Variants in EIF2B3 observed in about 807,000 individuals in gnomAD.
EIF2B3 encodes eukaryotic translation initiation factor 2B subunit gamma.
A neutral mutation model predicts 54.1 loss-of-function variants in EIF2B3; 20 were observed. That is an observed-to-expected ratio of 0.37 (90% CI 0.26 to 0.54). The LOEUF is 0.54. EIF2B3 is among the 20% of genes least tolerant of loss of function. The pLI is 0.86. For synonymous variants in EIF2B3, 153 were observed against 188.1 expected (o/e 0.81, Z 1.52); for missense variants, 448 against 547.8 (o/e 0.82, Z 1.82).
chr1:44,943,058 C>T (rs1014570646), intron 3 of EIF2B3, among the ~76,000 whole-genome samples: 1 of 151,804 alleles, frequency 6.6e-6, no homozygotes, highest in African/African-American at 2.4e-5. Flanking sequence ...GGTGTTTCAC[C>T]GTGTTAGCCA....
chr1:44,893,157 G>A (rs2148912418), intron 6 of EIF2B3, among the ~76,000 whole-genome samples: 1 of 152,262 alleles, frequency 6.6e-6, no homozygotes, highest in African/African-American at 2.4e-5. Context: ...TCAACCTCAT[G>A]GGCTCAAGTG....
intron 6 of EIF2B3, among the ~76,000 whole-genome samples, chr1:44,896,567 A>G (rs1488291823): frequency 6.6e-6 from 1 of 152,248 alleles, no homozygotes; most frequent in East Asian, 1.9e-4. Flanking sequence ...GTTCACCTAG[A>G]TAAGTTTCCG....
At chr1:44,982,931 C>T (rs1476189531) in intron 1 of EIF2B3, among the ~76,000 whole-genome samples, 2 of 152,030 alleles carry the variant, frequency 1.3e-5, no homozygotes, top group African/African-American at 2.4e-5. Flanking sequence ...CCCAGCTGCC[C>T]AGCTAATTTT....
intron 3 of EIF2B3, among the ~76,000 whole-genome samples, chr1:44,966,653 C>T (rs962738400): frequency 3.3e-5 from 5 of 152,096 alleles, no homozygotes; most frequent in African/African-American, 1.2e-4. Context: ...CTCTTCTCTT[C>T]TGAAAATGTA....
chr1:44,879,332 T>G (rs945008387), intron 8 of EIF2B3, among the ~76,000 whole-genome samples: 2 of 152,202 alleles, frequency 1.3e-5, no homozygotes, highest in African/African-American at 4.8e-5. Context: ...AAGAGACTCC[T>G]CATTAATGCT....
Position 44,978,463 on chromosome 1 carries a change from A to G in EIF2B3, c.149-3T>C, listed in dbSNP as rs374502902. On this transcript the variant is annotated splice_polypyrimidine_tract_variant and splice_region_variant and intron_variant, in intron 2 of 11. Coordinates refer to ENST00000360403, the MANE Select transcript of EIF2B3 (RefSeq NM_020365.5). ...CCTGGTTGTAACCACAATGACTTCTATAGGACAAAAGAAAAAAAGAAAGAA... is the reference window on the plus strand; with the variant it reads ...CCTGGTTGTAACCACAATGACTTCTGTAGGACAAAAGAAAAAAAGAAAGAA... 1.9e-6 allele frequency: 3 copies of G among 1,612,498 alleles called. No homozygotes were observed. The highest frequency in any genetic ancestry group is 2.2e-5 in the East Asian group (1 of 44,854).
rs1249351596 is a variant in EIF2B3, at chr1:44,881,183, A to G, written c.784+429T>C. Among the ~76,000 whole-genome samples, 1 of 152,194 alleles carries G rather than the reference A, an allele frequency of 6.6e-6. No homozygotes were observed. The highest frequency in any genetic ancestry group is 1.5e-5 in the Non-Finnish European group (1 of 68,032). Reference sequence around the variant, plus strand: ...ACAGATCCGATCTTCAGATCCTGGCACGGAGACACCTGGGTTGGCCTGTGG... The same window carrying G: ...ACAGATCCGATCTTCAGATCCTGGCGCGGAGACACCTGGGTTGGCCTGTGG... On this transcript the variant is annotated intron_variant, in intron 7 of 11. Transcript: ENST00000360403. This position sits in a 1 kb window ranked among gnomAD's most constrained non-coding sequence, Gnocchi z 4.0.
Position 44,880,023 on chromosome 1 carries a change from C to A in EIF2B3, c.785-15G>T. 1.9e-6 allele frequency: 3 copies of A among 1,613,482 alleles called. No homozygotes were observed. The highest frequency in any genetic ancestry group is 2.5e-6 in the Non-Finnish European group (3 of 1,179,548). ...ACTGTAGATATCTTCAGAACAAACACCCAACCAAGGAAATAAATGAGAGAG... is the reference window on the plus strand; with the variant it reads ...ACTGTAGATATCTTCAGAACAAACAACCAACCAAGGAAATAAATGAGAGAG... On this transcript the variant is annotated splice_polypyrimidine_tract_variant and intron_variant, in intron 7 of 11. Coordinates refer to ENST00000360403, the MANE Select transcript of EIF2B3 (RefSeq NM_020365.5).
intron 3 of EIF2B3, among the ~76,000 whole-genome samples, chr1:44,967,337 C>T (rs1214378309): frequency 1.3e-5 from 2 of 151,226 alleles, no homozygotes; most frequent in African/African-American, 2.4e-5. Context: ...GTCCCAGCTA[C>T]TTGAGGGGCT....
chr1:44,980,903 G>C, intron 2 of EIF2B3, 118 bp downstream of exon 2: 1 of 1,230,124 alleles, frequency 8.1e-7, no homozygotes, highest in East Asian at 2.3e-5. Flanking sequence ...CTTAAAGAAG[G>C]CAGTCTTCAG....
In EIF2B3 at chr1:44,881,718, A is replaced by C; in HGVS notation, c.678T>G (p.Ser226Arg). 6.2e-7 allele frequency: 1 copy of C among 1,614,150 alleles called. No individual in the cohort carries two copies. The highest frequency in any genetic ancestry group is 8.5e-7 in the Non-Finnish European group (1 of 1,179,992). ...MENGSITSIR[S>R]ELIPYLVRKQ... ...TTCTCACTAAATATGGAATCAGTTC[A>C]CTCCGGATAGAAGTTATTGACCTAG... The change falls in exon 7 of 12, where the codon AGT (serine) becomes AGG (arginine). Residue 226 changes from serine to arginine, a missense_variant. Ser to Arg is a moderately radical substitution (Grantham distance 110). Around this residue, in one of 3 missense-constraint regions of EIF2B3, gnomAD observed 350 missense variants for 414.2 expected, o/e 0.85. Coordinates refer to ENST00000360403, the MANE Select transcript of EIF2B3 (RefSeq NM_020365.5). The surrounding 1 kb of genome is among the most constrained non-coding windows in gnomAD (Gnocchi z 4.0).
chr1:44,971,164 C>T (rs1644395470), intron 3 of EIF2B3, among the ~76,000 whole-genome samples: 1 of 151,872 alleles, frequency 6.6e-6, no homozygotes, highest in Admixed American at 6.6e-5. Flanking sequence ...CGGGCGGATC[C>T]CGAAGTAGGA....
chr1:44,895,528 C>CTATA (rs962144621), intron 6 of EIF2B3, among the ~76,000 whole-genome samples: 1 of 149,190 alleles, frequency 6.7e-6, no homozygotes, highest in Non-Finnish European at 1.5e-5. Context: ...CTCTCTCTCT[C>CTATA]TATATATATA....
chr1:44,916,703 G>A (rs1301201564), intron 5 of EIF2B3, among the ~76,000 whole-genome samples: 2 of 150,970 alleles, frequency 1.3e-5, no homozygotes, highest in Admixed American at 6.6e-5. Context: ...CACACCCATA[G>A]TGGTAGCTAC....
In EIF2B3 at chr1:44,955,038, C is replaced by T. The variant is rs183196586; in HGVS notation, c.295-13373G>A. ...CAGATTATGTTTATTGATTTGCATA[C>T]GTTCAGCCAGTCTTGCATCCCAGGG... On this transcript the variant is annotated intron_variant, in intron 3 of 11. Transcript: ENST00000360403. 6.6e-5 allele frequency among the ~76,000 whole-genome samples: 10 copies of T among 152,156 alleles called. No individual in the cohort carries two copies. In the East Asian group the frequency reaches 1.5e-3, roughly 24 times the overall value.
chr1:44,924,379 A>C (rs263980), intron 5 of EIF2B3, among the ~76,000 whole-genome samples: 72,299 of 151,922 alleles, frequency 0.48, 18,000 homozygotes, highest in African/African-American at 0.62. Context: ...ACTCTGTAAT[A>C]ATTTAATCCT....
intron 5 of EIF2B3, among the ~76,000 whole-genome samples, chr1:44,915,059 G>A (rs1030798726): frequency 6.6e-6 from 1 of 151,300 alleles, no homozygotes; most frequent in Non-Finnish European, 1.5e-5. Context: ...AGCACTTTGG[G>A]AGGCCGAGGC....
At chr1:44,930,736 G>A (rs1569761491) in intron 4 of EIF2B3, among the ~76,000 whole-genome samples, 3 of 152,192 alleles carry the variant, frequency 2.0e-5, no homozygotes, top group Admixed American at 6.5e-5. Context: ...CGCCTCTCGG[G>A]TTCAAGCAAT....
intron 6 of EIF2B3, among the ~76,000 whole-genome samples, chr1:44,885,691 A>G (rs1655554450): frequency 6.6e-6 from 1 of 152,214 alleles, no homozygotes; most frequent in African/African-American, 2.4e-5. Flanking sequence ...ATATTCAACA[A>G]TGATAGATCA....
Sources: gnomAD v4.1 joint callset for allele counts (sites outside exome capture counted in the v4.1 genomes callset) on GRCh38, gnomAD v4.1.1 for gene constraint, gnomAD v4.1.1 regional missense constraint, Gnocchi (gnomAD v3.1) non-coding constraint, MANE v1.5 for transcripts, NCBI Gene and HGNC (gene_info 2026-07-23, HGNC 2026-07-21) for gene names.